The following DLEC1 variants were observed in gnomAD, a reference collection of about 807,000 sequenced individuals.
DLEC1 encodes deleted in lung and esophageal cancer protein 1.
DLEC1 carries 146 observed loss-of-function variants against 198.1 expected under a neutral mutation model. The ratio of observed to expected loss-of-function variants is 0.74; its 90% CI spans 0.64 to 0.85. The LOEUF (loss-of-function observed/expected upper bound fraction) is 0.85, where lower values mean the gene tolerates loss of function less well. Among genes scored for constraint, DLEC1 ranks in the 40% least tolerant of loss-of-function variants. The probability of loss-of-function intolerance (pLI) is 0.00; values close to 1 mark genes in which losing one functional copy is unlikely to be tolerated. For missense variants in DLEC1, 2,233 were observed against 2,220.0 expected, an observed-to-expected ratio of 1.01 and a Z score of -0.12; for synonymous variants, 897 against 866.8, an observed-to-expected ratio of 1.03 and a Z score of -0.61.
chr3:38,109,299 C>T, intron 21 of DLEC1, 133 bp from the exon 22 acceptor site: 1 of 1,331,962 alleles, frequency 7.5e-7, no homozygotes. Context: ...TGGCTGGGCT[C>T]ACTGGAGGGA....
At chr3:38,072,999 G>A (rs1409244753) in intron 6 of DLEC1, among the ~76,000 whole-genome samples, 1 of 152,204 alleles carries the variant, frequency 6.6e-6, no homozygotes, top group East Asian at 1.9e-4. Context: ...ACGAGAAAGA[G>A]CTTGGCTGAA....
In DLEC1 at chr3:38,110,275, C is replaced by A; in HGVS notation, c.3437C>A (p.Thr1146Asn). Residue 1146 changes from threonine to asparagine, a missense_variant, in exon 23 of 37, where the codon ACC becomes AAC. By Grantham distance (65) the Thr-to-Asn change is moderately conservative. Coordinates refer to ENST00000308059, the MANE Select transcript of DLEC1 (RefSeq NM_007335.4). Reference protein sequence around the residue: ...GSPQNSLSKKTSLPNMPPALL... With the variant: ...GSPQNSLSKKNSLPNMPPALL... The stretch of plus-strand genomic sequence containing the variant: ...CCCCAAAACAGCCTGAGCAAAAAGA[C>A]CAGCCTGTAAGTCTTGCTTCTTTCA... The A allele has an allele frequency of 1.9e-6, 3 of 1,614,084 alleles. No homozygotes were observed. Among genetic ancestry groups the A allele is most frequent in the Non-Finnish European group, 2.5e-6 (3 of 1,179,984 alleles).
At chr3:38,091,345 G>C (rs936330450) in intron 10 of DLEC1, among the ~76,000 whole-genome samples, 2 of 152,096 alleles carry the variant, frequency 1.3e-5, no homozygotes, top group African/African-American at 4.8e-5. Flanking sequence ...TGCACCTGTG[G>C]TCTCAGCTAC....
chr3:38,041,709 G>A (rs372344122), intron 1 of DLEC1, among the ~76,000 whole-genome samples: 10 of 151,810 alleles, frequency 6.6e-5, no homozygotes, highest in East Asian at 6.0e-4. Flanking sequence ...TTAGCCGGGC[G>A]TGGTGGTGTG....
At chr3:38,094,831 T>G in intron 12 of DLEC1, 48 bp from the exon 13 acceptor site, 1 of 1,592,072 alleles carries the variant, frequency 6.3e-7, no homozygotes, top group Non-Finnish European at 8.6e-7. Flanking sequence ...TGGAGGGACC[T>G]GGTCCCAGCA....
chr3:38,110,765 TACACAG>T (rs1371630496), intron 23 of DLEC1, among the ~76,000 whole-genome samples: 1 of 149,138 alleles, frequency 6.7e-6, no homozygotes, highest in African/African-American at 2.6e-5. Context: ...GAGTGCTGCT[TACACAG>T]ACACACACAC....
At chr3:38,109,768 C>CACA in intron 22 of DLEC1, 1 of 910,964 alleles carries the variant, frequency 1.1e-6, no homozygotes, top group Middle Eastern at 3.5e-4. Flanking sequence ...GGTCTCCCCA[C>CACA]ACACACTTGG....
At chr3:38,049,420 A>G (rs982117669) in intron 2 of DLEC1, among the ~76,000 whole-genome samples, 1 of 152,232 alleles carries the variant, frequency 6.6e-6, no homozygotes, top group African/African-American at 2.4e-5. Flanking sequence ...GTGTTTGCTA[A>G]TAAAAATGTG....
chr3:38,093,630 T>A lies in DLEC1; in HGVS notation c.1782T>A (p.Asp594Glu). 1 of 1,614,216 alleles carries A rather than the reference T, an allele frequency of 6.2e-7. No homozygotes were observed. Among genetic ancestry groups the A allele is most frequent in the Non-Finnish European group, 8.5e-7 (1 of 1,180,038 alleles). The part of the protein sequence containing the change: ...TIGIGQLIAL[D>E]LIYISGEKSQ... ...GAATTGGGCAGCTGATTGCTTTGGATCTGATCTATATTTCTGGTGAAAAAA... is the reference window on the plus strand; with the variant it reads ...GAATTGGGCAGCTGATTGCTTTGGAACTGATCTATATTTCTGGTGAAAAAA... The change falls in exon 12 of 37, where the codon GAT (aspartate) becomes GAA (glutamate). Residue 594 changes from aspartate to glutamate, a missense_variant. Coordinates refer to ENST00000308059, the MANE Select transcript of DLEC1 (RefSeq NM_007335.4).
At chr3:38,041,847 CAA>C (rs751455053) in intron 1 of DLEC1, among the ~76,000 whole-genome samples, 11 of 71,680 alleles carry the variant, frequency 1.5e-4, no homozygotes, top group Non-Finnish European at 1.7e-4. Context: ...GACTCCGTTT[CAA>C]AAAAAAAAAA....
In DLEC1 at chr3:38,114,601, A is replaced by G. The variant is rs1700054259; in HGVS notation, c.3785+141A>G. ...GCCACCTACAAGAAGGTTCCAGGCC[A>G]GGGTTTCCCTGGGGGAAGGTGGCCT... On this transcript the variant is annotated intron_variant, in intron 26 of 36. Transcript: ENST00000308059. 3.6e-6 allele frequency: 3 copies of G among 828,082 alleles called. No homozygotes were observed. The East Asian group carries it at 7.8e-5, about 21-fold the overall frequency. 51.3% of individuals were successfully genotyped at this position (828,082 alleles called of 1,614,324 possible).
intron 19 of DLEC1, chr3:38,103,323 G>C (rs1167530602): frequency 2.0e-5 from 3 of 152,270 alleles, no homozygotes; most frequent in Non-Finnish European, 4.4e-5. Flanking sequence ...TAAGCCAATG[G>C]ATCTTCAGCA....
At position 38,045,662 on chromosome 3, in the gene DLEC1, GGACCTCGA is replaced by G; in HGVS notation, c.534_541del (p.Asp178GlufsTer44). 1 of 1,613,792 alleles carries G rather than the reference GGACCTCGA, an allele frequency of 6.2e-7. No individual in the cohort carries two copies. On this transcript the variant is annotated frameshift_variant, in exon 2 of 37. Coordinates refer to ENST00000308059, the MANE Select transcript of DLEC1 (RefSeq NM_007335.4). LOFTEE classifies it high-confidence loss of function. Reference sequence around the variant, plus strand: ...GGGTCATGAGCCAGGCTGGAGTACAGGACCTCGAGAGCCTTGTCAGGTTGCCTCCAGGT... The same window carrying G: ...GGGTCATGAGCCAGGCTGGAGTACAGGAGCCTTGTCAGGTTGCCTCCAGGT...
At chr3:38,097,161 C>G (rs1247664290) in intron 15 of DLEC1, 21 bp from the exon 16 acceptor site, 2 of 1,555,074 alleles carry the variant, frequency 1.3e-6, no homozygotes, top group East Asian at 4.8e-5. Context: ...AATGGGCAGC[C>G]TGGTCTCGGG....
intron 20 of DLEC1, among the ~76,000 whole-genome samples, chr3:38,108,184 T>C (rs1287048347): frequency 6.6e-6 from 1 of 152,184 alleles, no homozygotes; most frequent in Non-Finnish European, 1.5e-5. Context: ...TTTGTCCAGA[T>C]AACCTCCCAA....
chr3:38,097,278 AC>A lies in DLEC1; in HGVS notation c.2434+5del. The A allele has an allele frequency of 6.4e-7, 1 of 1,574,090 alleles. No homozygotes were observed. Among genetic ancestry groups the A allele is most frequent in the Non-Finnish European group, 8.6e-7 (1 of 1,158,490 alleles). ...GGAGCCCGGCACAGGGGTCATAGGT[AC>A]CTTGGGGACTGCAGGAGGGGTTGTG... is the stretch of plus-strand genomic sequence containing the variant. On this transcript the variant is annotated splice_donor_region_variant and intron_variant, in intron 16 of 36. Coordinates refer to ENST00000308059, the MANE Select transcript of DLEC1 (RefSeq NM_007335.4).
chr3:38,121,038 C>T (rs1024538040), intron 34 of DLEC1, among the ~76,000 whole-genome samples: 5 of 152,120 alleles, frequency 3.3e-5, no homozygotes, highest in South Asian at 4.1e-4. Flanking sequence ...GTCACCAGGC[C>T]GTAGTGTGGA....
At chr3:38,078,566 G>T (rs1021728908) in intron 6 of DLEC1, among the ~76,000 whole-genome samples, 7 of 152,162 alleles carry the variant, frequency 4.6e-5, no homozygotes, top group Admixed American at 2.0e-4. Context: ...GTTTTTATGA[G>T]AATTATGCCG....
intron 6 of DLEC1, among the ~76,000 whole-genome samples, chr3:38,078,780 G>T (rs2125651284): frequency 6.6e-6 from 1 of 152,290 alleles, no homozygotes; most frequent in East Asian, 1.9e-4. Context: ...CAGAATAATG[G>T]GTAGTAGAGG....
Sources: gnomAD v4.1 joint callset for allele counts (sites outside exome capture counted in the v4.1 genomes callset) on GRCh38, gnomAD v4.1.1 for gene constraint, MANE v1.5 for transcripts, NCBI Gene and HGNC (gene_info 2026-07-23, HGNC 2026-07-21) for gene names.